ZCCHC17: variants seen among roughly 807,000 people sequenced by gnomAD.
ZCCHC17 encodes the protein zinc finger CCHC domain-containing protein 17.
ZCCHC17 carries 18 observed loss-of-function variants against 30.6 expected under a neutral mutation model. The ratio of observed to expected loss-of-function variants is 0.59; its 90% CI spans 0.41 to 0.87. The LOEUF (loss-of-function observed/expected upper bound fraction) is 0.87, where lower values mean the gene tolerates loss of function less well. ZCCHC17 is among the 40% of genes least tolerant of loss of function. ZCCHC17 has a pLI of 0.00. For missense variants in ZCCHC17, 263 were observed against 284.2 expected (o/e 0.93, Z 0.54); for synonymous variants, 88 against 92.4 (o/e 0.95, Z 0.27).
intron 5 of ZCCHC17, among the ~76,000 whole-genome samples, chr1:31,343,269 A>G (rs1218397590): frequency 6.6e-6 from 1 of 152,214 alleles, no homozygotes; most frequent in Non-Finnish European, 1.5e-5. Context: ...CATGTTGGCC[A>G]GGCTGGTCTT....
At chr1:31,318,011 T>C (rs921326033) in intron 2 of ZCCHC17, among the ~76,000 whole-genome samples, 2 of 152,232 alleles carry the variant, frequency 1.3e-5, no homozygotes, top group Non-Finnish European at 2.9e-5. Flanking sequence ...CATCTTTTTG[T>C]CATCTATTGG....
intron 3 of ZCCHC17, among the ~76,000 whole-genome samples, chr1:31,328,877 A>G (rs1282012834): frequency 6.6e-6 from 1 of 152,222 alleles, no homozygotes; most frequent in Non-Finnish European, 1.5e-5. Context: ...TGAAAATTCC[A>G]GTCCTCTAAG....
chr1:31,326,781 ACT>A (rs981757957), intron 3 of ZCCHC17, among the ~76,000 whole-genome samples: 9 of 152,084 alleles, frequency 5.9e-5, no homozygotes, highest in Admixed American at 4.6e-4. Context: ...TTAGGTGGAA[ACT>A]CTGTGAGTTT....
chr1:31,328,185 ATTATTG>A (rs1638435044), intron 3 of ZCCHC17, among the ~76,000 whole-genome samples: 1 of 152,168 alleles, frequency 6.6e-6, no homozygotes, highest in Non-Finnish European at 1.5e-5. Flanking sequence ...TTGTTATGTT[ATTATTG>A]TTAATCTATT....
intron 1 of ZCCHC17, among the ~76,000 whole-genome samples, chr1:31,305,536 C>T (rs1646431530): frequency 6.6e-6 from 1 of 152,132 alleles, no homozygotes; most frequent in Non-Finnish European, 1.5e-5. Flanking sequence ...GCGATCCACC[C>T]ACCTTGGCCT....
intron 1 of ZCCHC17, among the ~76,000 whole-genome samples, chr1:31,300,572 G>A (rs1211100442): frequency 2.0e-5 from 3 of 152,168 alleles, no homozygotes; most frequent in Non-Finnish European, 4.4e-5. Flanking sequence ...AGTTTAGAGT[G>A]TTGTTGGAAT....
At chr1:31,351,361 G>T (rs933392382) in intron 7 of ZCCHC17, among the ~76,000 whole-genome samples, 1 of 151,678 alleles carries the variant, frequency 6.6e-6, no homozygotes, top group Non-Finnish European at 1.5e-5. Context: ...ACTATTGAAC[G>T]CTGTGGCCTA....
chr1:31,297,124 A>G, intron 1 of ZCCHC17, 49 bp downstream of exon 1: 1 of 414,002 alleles, frequency 2.4e-6, no homozygotes, highest in Admixed American at 4.1e-5. Flanking sequence ...TCTGGAGGCG[A>G]CGCCTCGGTT....
Position 31,310,134 on chromosome 1 carries a change from G to T in ZCCHC17, c.36G>T (p.Leu12Phe), listed in dbSNP as rs759519274. The T allele has an allele frequency of 3.7e-6, 6 of 1,614,090 alleles. No homozygotes were observed. Among genetic ancestry groups the T allele is most frequent in the Middle Eastern group, 3.3e-4 (2 of 6,062 alleles). ...GAAGGCCTGAGACCATGGAAAACTT[G>T]CCTGCTCTCTACACTATTTTCCAAG... ...NSGRPETMEN[L>F]PALYTIFQGE... Residue 12 changes from leucine to phenylalanine, a missense_variant, in exon 2 of 8, where the codon TTG becomes TTT. Transcript: ENST00000344147.
chr1:31,361,756 C>G (rs948172152), intron 7 of ZCCHC17, among the ~76,000 whole-genome samples: 4 of 151,988 alleles, frequency 2.6e-5, no homozygotes, highest in Non-Finnish European at 4.4e-5. Flanking sequence ...AACTTGTCAC[C>G]ATAGGTGTTT....
At chr1:31,320,788 G>A (rs763657285) in intron 3 of ZCCHC17, among the ~76,000 whole-genome samples, 8 of 151,910 alleles carry the variant, frequency 5.3e-5, no homozygotes, top group Middle Eastern at 3.2e-3. Flanking sequence ...GCTTTCATTG[G>A]GTATATACCT....
At chr1:31,341,109 A>G (rs1435347691) in intron 5 of ZCCHC17, among the ~76,000 whole-genome samples, 1 of 152,202 alleles carries the variant, frequency 6.6e-6, no homozygotes, top group Non-Finnish European at 1.5e-5. Flanking sequence ...CTCTGACCTT[A>G]AAGCTAATGC....
intron 7 of ZCCHC17, among the ~76,000 whole-genome samples, chr1:31,357,359 C>G (rs1057182950): frequency 2.0e-5 from 3 of 152,292 alleles, no homozygotes; most frequent in Admixed American, 1.3e-4. Context: ...GGTTCGCTTT[C>G]TTCTATGACA....
At chr1:31,340,786 TA>T (rs931320673) in intron 5 of ZCCHC17, among the ~76,000 whole-genome samples, 1 of 152,230 alleles carries the variant, frequency 6.6e-6, no homozygotes, top group Non-Finnish European at 1.5e-5. Flanking sequence ...TTGATGAATT[TA>T]AAAGACAAGA....
chr1:31,339,355 T>G (rs1251740553), intron 5 of ZCCHC17, among the ~76,000 whole-genome samples: 2 of 151,828 alleles, frequency 1.3e-5, no homozygotes, highest in Admixed American at 1.3e-4. Context: ...AAACTAGAAA[T>G]TTGCTGGATG....
At chr1:31,349,918 C>T (rs1024589472) in intron 7 of ZCCHC17, among the ~76,000 whole-genome samples, 2 of 152,072 alleles carry the variant, frequency 1.3e-5, no homozygotes, top group African/African-American at 2.4e-5. Context: ...GGATAAATTC[C>T]TAAGTAAGAT....
chr1:31,303,408 C>T (rs1034895259), intron 1 of ZCCHC17, among the ~76,000 whole-genome samples: 6 of 152,130 alleles, frequency 3.9e-5, no homozygotes, highest in African/African-American at 1.4e-4. Context: ...AACTAAAATT[C>T]CTTTAAATTC....
In ZCCHC17 at chr1:31,327,822, C is replaced by G. The variant is rs1010840710; in HGVS notation, c.124+8656C>G. On this transcript the variant is annotated intron_variant, in intron 3 of 7. Transcript: ENST00000344147. ...AGTTCTCAACTTAATAAGGGAAAAACAGGGACCCCTAGAGGGGGGACTGAG... is the reference window on the plus strand; with the variant it reads ...AGTTCTCAACTTAATAAGGGAAAAAGAGGGACCCCTAGAGGGGGGACTGAG... Among the ~76,000 whole-genome samples the G allele has an allele frequency of 5.9e-5, 9 of 152,240 alleles. 1 individual carries two copies. The South Asian group carries it at 1.0e-3, about 18-fold the overall frequency.
intron 1 of ZCCHC17, among the ~76,000 whole-genome samples, chr1:31,309,354 G>A (rs1242907982): frequency 1.3e-5 from 2 of 152,132 alleles, no homozygotes; most frequent in Non-Finnish European, 2.9e-5. Context: ...AGTTCGCTCT[G>A]TTCCTTAGTC....
Sources: allele counts gnomAD v4.1 joint callset (sites outside exome capture counted in the v4.1 genomes callset), GRCh38; gene constraint gnomAD v4.1.1; transcripts MANE v1.5; gene names NCBI Gene and HGNC (gene_info 2026-07-23, HGNC 2026-07-21).